Variants in ZNF143 observed in about 807,000 individuals in gnomAD.
ZNF143 encodes the protein SPH-binding factor.
A neutral mutation model predicts 74.1 loss-of-function variants in ZNF143; 49 were observed. That is an observed-to-expected ratio of 0.66 (90% CI 0.53 to 0.84). The LOEUF is 0.84. ZNF143 is among the 40% of genes least tolerant of loss of function. The pLI, the probability that ZNF143 is intolerant of heterozygous loss-of-function variation, is 0.00. For synonymous variants in ZNF143, 304 were observed against 282.8 expected (o/e 1.07, Z -0.75); for missense variants, 637 against 793.4 (o/e 0.80, Z 2.37).
chr11:9,486,506 A>T (rs1246927024), intron 7 of ZNF143, among the ~76,000 whole-genome samples: 1 of 116,596 alleles, frequency 8.6e-6, no homozygotes, highest in South Asian at 2.5e-4. Flanking sequence ...CCTGTCAGGG[A>T]CTAGCAGATC....
rs565998576 is a variant in ZNF143, at chr11:9,478,375, C to T, written c.374-15C>T. 2 of 1,597,352 alleles carry T rather than the reference C, an allele frequency of 1.3e-6. No individual in the cohort carries two copies. Among genetic ancestry groups the T allele is most frequent in the Admixed American group, 1.7e-5 (1 of 59,584 alleles). ...TTTACCTTTAATTTAATGGCATTCTCTTCCACTCTCTCAGATAGTTATGAC... is the reference window on the plus strand; with the variant it reads ...TTTACCTTTAATTTAATGGCATTCTTTTCCACTCTCTCAGATAGTTATGAC... On this transcript the variant is annotated splice_polypyrimidine_tract_variant and intron_variant, in intron 5 of 15. Transcript: ENST00000396602.
intron 5 of ZNF143, 85 bp downstream of exon 5, chr11:9,474,718 G>T: frequency 7.9e-7 from 1 of 1,272,546 alleles, no homozygotes; most frequent in South Asian, 1.2e-5. Flanking sequence ...CTTCTGAATT[G>T]TTGTCATGGG....
At chr11:9,465,807 G>GT (rs1339118392) in intron 1 of ZNF143, among the ~76,000 whole-genome samples, 1 of 150,830 alleles carries the variant, frequency 6.6e-6, no homozygotes, top group Non-Finnish European at 1.5e-5. Context: ...AAAGTTTTTT[G>GT]TTTTTTGTTT....
At chr11:9,503,347 T>G (rs1254925078) in intron 11 of ZNF143, among the ~76,000 whole-genome samples, 1 of 152,128 alleles carries the variant, frequency 6.6e-6, no homozygotes, top group Non-Finnish European at 1.5e-5. Context: ...TGTGGACATG[T>G]TTTCATTTCT....
chr11:9,501,771 A>G (rs1308268317), intron 11 of ZNF143, among the ~76,000 whole-genome samples: 1 of 152,092 alleles, frequency 6.6e-6, no homozygotes, highest in Non-Finnish European at 1.5e-5. Flanking sequence ...GTGGTTCCAT[A>G]TGACAGGAGC....
chr11:9,481,944 G>A lies in ZNF143; in HGVS notation c.645+2398G>A, dbSNP rs113959257. On this transcript the variant is annotated intron_variant, in intron 7 of 15. Transcript: ENST00000396602. ...GTAACTAGGAATTCAGAACTGCTGA[G>A]GCAAAATGTCATTAAAAAAACCCAT... 3.7e-3 allele frequency among the ~76,000 whole-genome samples: 545 copies of A among 148,232 alleles called. 2 individuals carry two copies. The highest frequency in any genetic ancestry group is 0.014 in the Middle Eastern group (4 of 280).
chr11:9,481,252 G>A (rs1363240227), intron 7 of ZNF143, among the ~76,000 whole-genome samples: 2 of 152,038 alleles, frequency 1.3e-5, no homozygotes, highest in African/African-American at 4.8e-5. Context: ...GCAAGGCATG[G>A]TGGCACACAT....
chr11:9,508,442 T>C (rs1848435416), intron 11 of ZNF143, among the ~76,000 whole-genome samples, 177 bp from the exon 12 acceptor site: 1 of 152,218 alleles, frequency 6.6e-6, no homozygotes, highest in African/African-American at 2.4e-5. Context: ...TACTACCTTT[T>C]GAGTCAAGTC....
At chr11:9,486,677 T>C (rs1204086146) in intron 7 of ZNF143, among the ~76,000 whole-genome samples, 1 of 148,960 alleles carries the variant, frequency 6.7e-6, no homozygotes, top group Non-Finnish European at 1.5e-5. Flanking sequence ...TGTTTTGTTT[T>C]TTTTTCCCTG....
chr11:9,523,809 AG>A (rs1415014727), intron 14 of ZNF143, among the ~76,000 whole-genome samples: 1 of 151,916 alleles, frequency 6.6e-6, no homozygotes, highest in African/African-American at 2.4e-5. Context: ...GCGCTTTGGG[AG>A]GCCGAGGCGG....
chr11:9,515,870 A>G lies in ZNF143; in HGVS notation c.1525-331A>G, dbSNP rs531154645. Among the ~76,000 whole-genome samples the G allele has an allele frequency of 2.0e-3, 309 of 151,844 alleles. 1 individual carries two copies. The highest frequency in any genetic ancestry group is 3.3e-3 in the Non-Finnish European group (224 of 67,958). ...AGCAATGGGTCATGCCTATAGTCAG[A>G]GCTACTTAAGAGGATGAGGCTAGAG... On this transcript the variant is annotated intron_variant, in intron 13 of 15. Transcript: ENST00000396602.
intron 3 of ZNF143, chr11:9,473,648 C>T (rs930050680): frequency 1.6e-6 from 1 of 611,724 alleles, no homozygotes; most frequent in African/African-American, 1.9e-5. Context: ...TTCTAAGTGA[C>T]TCTGAAAGGT....
At chr11:9,514,719 T>G (rs2134197580) in intron 13 of ZNF143, among the ~76,000 whole-genome samples, 1 of 152,352 alleles carries the variant, frequency 6.6e-6, no homozygotes, top group Admixed American at 6.5e-5. Context: ...TATGACACTT[T>G]CTGGGACTGC....
intron 5 of ZNF143, among the ~76,000 whole-genome samples, chr11:9,477,573 A>G (rs865874001): frequency 3.3e-5 from 5 of 152,120 alleles, no homozygotes; most frequent in Middle Eastern, 6.8e-3. Flanking sequence ...TTCTTTATCA[A>G]TAAGAGTTAG....
At chr11:9,477,226 T>TCCTC (rs1406136991) in intron 5 of ZNF143, among the ~76,000 whole-genome samples, 29 of 124,062 alleles carry the variant, frequency 2.3e-4, no homozygotes, top group Non-Finnish European at 3.5e-4. Context: ...CTTCCCTTCC[T>TCCTC]TCCCTTCCTT....
intron 14 of ZNF143, among the ~76,000 whole-genome samples, chr11:9,517,407 A>T (rs937846160): frequency 1.3e-5 from 2 of 152,060 alleles, no homozygotes; most frequent in South Asian, 4.1e-4. Flanking sequence ...GTGATTTTGC[A>T]TATATATGTG....
At chr11:9,485,764 AGTT>A (rs1847449069) in intron 7 of ZNF143, among the ~76,000 whole-genome samples, 2 of 151,700 alleles carry the variant, frequency 1.3e-5, no homozygotes, top group South Asian at 4.1e-4. Context: ...TAAAAATTCA[AGTT>A]GTTTTTATTT....
chr11:9,468,840 A>G (rs1052594646), intron 1 of ZNF143, among the ~76,000 whole-genome samples: 2 of 151,928 alleles, frequency 1.3e-5, no homozygotes, highest in African/African-American at 2.4e-5. Flanking sequence ...CGACTTTCAT[A>G]TATCATATAT....
chr11:9,465,505 A>T (rs1386618577), intron 1 of ZNF143, among the ~76,000 whole-genome samples: 1 of 139,192 alleles, frequency 7.2e-6, no homozygotes, highest in Non-Finnish European at 1.6e-5. Flanking sequence ...TTATTTATTT[A>T]TTTATTTTTT....
Sources: gnomAD v4.1 joint callset for allele counts (sites outside exome capture counted in the v4.1 genomes callset) on GRCh38, gnomAD v4.1.1 for gene constraint, MANE v1.5 for transcripts, NCBI Gene and HGNC (gene_info 2026-07-23, HGNC 2026-07-21) for gene names.